FRMD5: variants seen among roughly 807,000 people sequenced by gnomAD.
FRMD5 encodes the protein FERM domain-containing protein 5.
A neutral mutation model predicts 69.0 loss-of-function variants in FRMD5; 20 were observed. That is an observed-to-expected ratio of 0.29 (90% CI 0.20 to 0.42). The LOEUF is 0.42. Among genes scored for constraint, FRMD5 ranks in the 10% least tolerant of loss-of-function variants. FRMD5 has a pLI of 1.00. For synonymous variants in FRMD5, 271 were observed against 260.1 expected (o/e 1.04, Z -0.40); for missense variants, 595 against 708.6 (o/e 0.84, Z 1.82).
intron 1 of FRMD5, among the ~76,000 whole-genome samples, chr15:44,055,576 A>C (rs1566923383): frequency 6.6e-6 from 1 of 152,242 alleles, no homozygotes; most frequent in East Asian, 1.9e-4. Context: ...AAATAAATTA[A>C]AAATCAAGTC....
At chr15:44,013,182 A>C (rs1890802182) in intron 1 of FRMD5, among the ~76,000 whole-genome samples, 1 of 152,148 alleles carries the variant, frequency 6.6e-6, no homozygotes, top group Admixed American at 6.5e-5. Flanking sequence ...TGAGGCGAGG[A>C]GTTTAAGACC....
At chr15:43,995,765 T>C (rs1181229359) in intron 1 of FRMD5, among the ~76,000 whole-genome samples, 1 of 152,030 alleles carries the variant, frequency 6.6e-6, no homozygotes, top group Non-Finnish European at 1.5e-5. Context: ...CATGGGGATA[T>C]GCCTGGAGGT....
intron 1 of FRMD5, among the ~76,000 whole-genome samples, chr15:44,004,465 G>C (rs777238270): frequency 1.3e-5 from 2 of 152,102 alleles, no homozygotes; most frequent in East Asian, 3.8e-4. Context: ...ATGTCTCTGT[G>C]TCACACTTTG....
chr15:44,079,939 CAG>C (rs1344879901), intron 1 of FRMD5, among the ~76,000 whole-genome samples: 1 of 151,786 alleles, frequency 6.6e-6, no homozygotes, highest in African/African-American at 2.4e-5. Context: ...AATAAATTCA[CAG>C]AGACAGAAAA....
intron 1 of FRMD5, chr15:44,194,116 A>G (rs938826503): frequency 6.6e-6 from 1 of 152,250 alleles, no homozygotes; most frequent in Non-Finnish European, 1.5e-5. Flanking sequence ...ATTCCCGGGA[A>G]AGACTACTAC....
At chr15:44,178,889 G>A (rs1185861521) in intron 1 of FRMD5, among the ~76,000 whole-genome samples, 7 of 152,092 alleles carry the variant, frequency 4.6e-5, no homozygotes, top group Admixed American at 6.6e-5. Flanking sequence ...CTACTTGGGC[G>A]GCTGAGGGAG....
In FRMD5 at chr15:43,899,958, C is replaced by G. The variant is rs144686488; in HGVS notation, c.639+2217G>C. Among the ~76,000 whole-genome samples, 1,386 of 148,392 alleles carry G rather than the reference C, an allele frequency of 9.3e-3. 6 individuals are homozygous for G. The highest frequency in any genetic ancestry group is 0.032 in the Middle Eastern group (9 of 280). ...GTAGTGCTCGGGCTCACTGTCTGCC[C>G]ATCTCTGTGTCTTTTCAACTCTGCT... On this transcript the variant is annotated intron_variant, in intron 7 of 13. Coordinates refer to ENST00000417257, the MANE Select transcript of FRMD5 (RefSeq NM_032892.5).
Position 43,885,727 on chromosome 15 carries a change from CTG to C in FRMD5, c.911_912del (p.Thr304SerfsTer9). 3 of 1,614,198 alleles carry C rather than the reference CTG, an allele frequency of 1.9e-6. No individual in the cohort carries two copies. Among genetic ancestry groups the C allele is most frequent in the Non-Finnish European group, 2.5e-6 (3 of 1,180,022 alleles). Reference sequence around the variant, plus strand: ...TTAAAGAATAAATTGCTGCTGGACACTGTGCGGACTTGGCTTGACTTCTCCAG... The same window carrying C: ...TTAAAGAATAAATTGCTGCTGGACACTGCGGACTTGGCTTGACTTCTCCAG... ...YKLEKSSQVR[T>X]VSSSNLFFKG... On this transcript the variant is annotated frameshift_variant, in exon 11 of 14. Transcript: ENST00000417257. LOFTEE classifies it high-confidence loss of function.
At chr15:44,051,243 C>G (rs527617309) in intron 1 of FRMD5, among the ~76,000 whole-genome samples, 1 of 144,832 alleles carries the variant, frequency 6.9e-6, no homozygotes. Flanking sequence ...CCTCTGCCTC[C>G]TGGGTTCAAG....
chr15:44,152,668 G>A (rs773907448), intron 1 of FRMD5, among the ~76,000 whole-genome samples: 9 of 152,074 alleles, frequency 5.9e-5, no homozygotes, highest in Non-Finnish European at 1.3e-4. Context: ...GATGTCTACT[G>A]ATATTGCACA....
At chr15:43,978,303 G>A (rs1433169960) in intron 1 of FRMD5, among the ~76,000 whole-genome samples, 1 of 152,158 alleles carries the variant, frequency 6.6e-6, no homozygotes, top group African/African-American at 2.4e-5. Context: ...TACAGCTACT[G>A]GAATGGCTAA....
chr15:44,007,666 A>T (rs1263036941), intron 1 of FRMD5, among the ~76,000 whole-genome samples: 45 of 50,616 alleles, frequency 8.9e-4, no homozygotes, highest in Non-Finnish European at 1.7e-3. Flanking sequence ...TTTTTTTGAG[A>T]CAGAGTTTCG....
At chr15:44,139,727 CAAAAAAAAAAAAAA>C (rs71111842) in intron 1 of FRMD5, among the ~76,000 whole-genome samples, 1 of 72,044 alleles carries the variant, frequency 1.4e-5, no homozygotes, top group Admixed American at 2.2e-4. Context: ...CCAGTCTCTA[CAAAAAAAAAAAAAA>C]AAAAAAAAAA....
At chr15:44,157,282 T>C (rs2077543791) in intron 1 of FRMD5, among the ~76,000 whole-genome samples, 1 of 152,190 alleles carries the variant, frequency 6.6e-6, no homozygotes. Context: ...TTTTATCCAA[T>C]GTCCAAATGT....
intron 1 of FRMD5, among the ~76,000 whole-genome samples, chr15:43,935,500 CAAAT>C (rs1003606484): frequency 3.9e-5 from 6 of 152,070 alleles, no homozygotes; most frequent in African/African-American, 1.4e-4. Context: ...AAGTAATAAA[CAAAT>C]AAATAATTCT....
intron 1 of FRMD5, among the ~76,000 whole-genome samples, chr15:43,937,867 T>C (rs1007086824): frequency 4.6e-5 from 7 of 152,138 alleles, no homozygotes; most frequent in Admixed American, 2.6e-4. Flanking sequence ...TAACTGAATG[T>C]TGACCACTGC....
intron 1 of FRMD5, among the ~76,000 whole-genome samples, chr15:44,062,980 C>G (rs1893156926): frequency 6.6e-6 from 1 of 152,142 alleles, no homozygotes; most frequent in Non-Finnish European, 1.5e-5. Context: ...ATATATCTAT[C>G]CTTAAGCCTA....
chr15:43,874,517 C>T, intron 13 of FRMD5, 55 bp from the exon 14 acceptor site: 1 of 1,330,648 alleles, frequency 7.5e-7, no homozygotes, highest in East Asian at 2.3e-5. Flanking sequence ...CCTTTGCTTT[C>T]CAGTAGCACC....
intron 1 of FRMD5, among the ~76,000 whole-genome samples, chr15:44,099,032 G>C (rs2076597917): frequency 6.6e-6 from 1 of 152,132 alleles, no homozygotes; most frequent in Non-Finnish European, 1.5e-5. Context: ...CCTAGGTTAA[G>C]GGCAACCTCA....
Sources: allele counts gnomAD v4.1 joint callset (sites outside exome capture counted in the v4.1 genomes callset), GRCh38; gene constraint gnomAD v4.1.1; transcripts MANE v1.5; gene names NCBI Gene and HGNC (gene_info 2026-07-23, HGNC 2026-07-21).